Variants in FAM120A observed in about 807,000 individuals in gnomAD.
FAM120A encodes constitutive coactivator of PPAR-gamma-like protein 1.
A neutral mutation model predicts 109.7 loss-of-function variants in FAM120A; 15 were observed. The observed-to-expected ratio is 0.14, with a 90% CI of 0.09 to 0.21. The LOEUF is 0.21. FAM120A is among the 10% of genes least tolerant of loss of function. The probability of loss-of-function intolerance (pLI) is 1.00; values close to 1 mark genes in which losing one functional copy is unlikely to be tolerated. For missense variants in FAM120A, 899 were observed against 1,439.3 expected (o/e 0.62, Z 6.07); for synonymous variants, 493 against 572.8 (o/e 0.86, Z 1.99).
intron 7 of FAM120A, among the ~76,000 whole-genome samples, chr9:93,518,862 A>G (rs765741822): frequency 3.2e-4 from 48 of 152,256 alleles, no homozygotes; most frequent in Non-Finnish European, 4.7e-4. Flanking sequence ...CACGGGCCGC[A>G]CGCAGCACAG....
At chr9:93,512,106 T>G (rs563977040) in intron 5 of FAM120A, among the ~76,000 whole-genome samples, 1 of 152,292 alleles carries the variant, frequency 6.6e-6, no homozygotes, top group East Asian at 1.9e-4. Context: ...TTTTGTTTTG[T>G]TTTGTTTTTT....
At chr9:93,485,479 C>A (rs10821138) in intron 3 of FAM120A, among the ~76,000 whole-genome samples, 1 of 151,886 alleles carries the variant, frequency 6.6e-6, no homozygotes, top group Admixed American at 6.6e-5. Context: ...CCCCTGTAGT[C>A]CCAACTACTT....
At chr9:93,507,765 T>G (rs1304301365) in intron 5 of FAM120A, among the ~76,000 whole-genome samples, 1 of 152,152 alleles carries the variant, frequency 6.6e-6, no homozygotes, top group Non-Finnish European at 1.5e-5. Flanking sequence ...TTCGGCTGAA[T>G]TTGGAGCTCC....
At chr9:93,456,393 T>C (rs1486930263) in intron 1 of FAM120A, among the ~76,000 whole-genome samples, 1 of 152,238 alleles carries the variant, frequency 6.6e-6, no homozygotes, top group Non-Finnish European at 1.5e-5. Context: ...TAAATAATGC[T>C]CTTACATAAA....
intron 1 of FAM120A, among the ~76,000 whole-genome samples, chr9:93,467,258 C>CACCG (rs56698785): frequency 4.1e-5 from 2 of 49,122 alleles, no homozygotes; most frequent in African/African-American, 1.1e-4. Context: ...CCCCCCCCCC[C>CACCG]TTTTCCCCCA....
At position 93,550,129 on chromosome 9, in the gene FAM120A, T is replaced by G. The variant is rs925897424; in HGVS notation, c.2160-448T>G. Among the ~76,000 whole-genome samples, 5 of 152,242 alleles carry G rather than the reference T, an allele frequency of 3.3e-5. 1 individual carries two copies. The highest frequency in any genetic ancestry group is 3.3e-4 in the Admixed American group (5 of 15,294). ...CGGTTATTTACCTGCTCCATGGACC[T>G]GCAGCTGCAGAGTGGCCAGGCAATG... On this transcript the variant is annotated intron_variant, in intron 11 of 17. Coordinates refer to ENST00000277165, the MANE Select transcript of FAM120A (RefSeq NM_014612.5).
At chr9:93,559,034 C>T (rs750345973) in intron 15 of FAM120A, among the ~76,000 whole-genome samples, 4 of 152,270 alleles carry the variant, frequency 2.6e-5, no homozygotes, top group East Asian at 1.9e-4. Flanking sequence ...CTAATAGTGG[C>T]GTTTCTTTCC....
At chr9:93,459,889 G>A (rs1857714460) in intron 1 of FAM120A, among the ~76,000 whole-genome samples, 1 of 152,120 alleles carries the variant, frequency 6.6e-6, no homozygotes, top group Non-Finnish European at 1.5e-5. Context: ...AGGAAATCTT[G>A]GTATGAGCAA....
At chr9:93,555,286 C>A (rs574823704) in intron 12 of FAM120A, among the ~76,000 whole-genome samples, 14 of 152,152 alleles carry the variant, frequency 9.2e-5, no homozygotes, top group African/African-American at 3.1e-4. Flanking sequence ...GGTGAACAGA[C>A]TTCTCCAGGT....
intron 3 of FAM120A, among the ~76,000 whole-genome samples, chr9:93,494,437 TC>T (rs957607565): frequency 1.3e-5 from 2 of 152,212 alleles, no homozygotes; most frequent in African/African-American, 2.4e-5. Flanking sequence ...TCTATTGCTC[TC>T]CAGCAGATGC....
chr9:93,471,352 A>T lies in FAM120A; in HGVS notation c.686A>T (p.Asn229Ile). 6.2e-7 allele frequency: 1 copy of T among 1,614,194 alleles called. No individual in the cohort carries two copies. The highest frequency in any genetic ancestry group is 8.5e-7 in the Non-Finnish European group (1 of 1,180,026). The change falls in exon 2 of 18, where the codon AAT becomes ATT. Residue 229 changes from asparagine to isoleucine, a missense_variant. By Grantham distance (149) the Asn-to-Ile change is moderately radical. Coordinates refer to ENST00000277165, the MANE Select transcript of FAM120A (RefSeq NM_014612.5). Reference sequence around the variant, plus strand: ...GAAGTTGCCAAGCAACTGGACCTGAATCCAAATCGTTTTCCTATTTTTGCT... The same window carrying T: ...GAAGTTGCCAAGCAACTGGACCTGATTCCAAATCGTTTTCCTATTTTTGCT... The part of the protein sequence containing the change: ...MHEVAKQLDL[N>I]PNRFPIFAAL...
chr9:93,476,309 G>C lies in FAM120A; in HGVS notation c.775G>C (p.Gly259Arg). The change falls in exon 3 of 18, where the codon GGT (glycine) becomes CGT (arginine). Residue 259 changes from glycine (G) to arginine (R), a missense_variant. Gly to Arg is a moderately radical substitution (Grantham distance 125). Coordinates refer to ENST00000277165, the MANE Select transcript of FAM120A (RefSeq NM_014612.5). Reference sequence around the variant, plus strand: ...GGCTTCCTTTCACTGGAGTTTACTTGGTCCAGAACATCCACTAGCCTCACT... The same window carrying C: ...GGCTTCCTTTCACTGGAGTTTACTTCGTCCAGAACATCCACTAGCCTCACT... ...DLASFHWSLL[G>R]PEHPLASLKV... 6.2e-7 allele frequency: 1 copy of C among 1,608,630 alleles called. No individual in the cohort carries two copies. The highest frequency in any genetic ancestry group is 8.5e-7 in the Non-Finnish European group (1 of 1,175,416).
chr9:93,539,304 AGTT>A (rs1289750262), intron 10 of FAM120A, among the ~76,000 whole-genome samples: 2 of 152,098 alleles, frequency 1.3e-5, no homozygotes, highest in East Asian at 3.8e-4. Context: ...GCCGCCCTAG[AGTT>A]GTTTTTGCCA....
chr9:93,451,954 C>T lies in FAM120A; in HGVS notation c.39C>T (p.His13=), dbSNP rs1857246984. ...GCTTCCAGGACTACATCGAGAAGCA[C>T]TGCCCGAGCGCCGTGGTGCCGGTGG... ...VQGFQDYIEK[H]CPSAVVPVEL... is the part of the protein sequence containing the mutation. Residue 13 remains histidine, a synonymous_variant, in exon 1 of 18, where the codon CAC becomes CAT. Coordinates refer to ENST00000277165, the MANE Select transcript of FAM120A (RefSeq NM_014612.5). 1 of 1,533,818 alleles carries T rather than the reference C, an allele frequency of 6.5e-7. No individual in the cohort carries two copies.
chr9:93,510,380 G>A (rs536331903), intron 5 of FAM120A, among the ~76,000 whole-genome samples: 75 of 152,354 alleles, frequency 4.9e-4, no homozygotes, highest in African/African-American at 1.7e-3. Context: ...AGACTGCAGT[G>A]TGTGTCTTCC....
intron 3 of FAM120A, among the ~76,000 whole-genome samples, chr9:93,483,222 G>A (rs1236629158): frequency 6.6e-6 from 1 of 152,058 alleles, no homozygotes; most frequent in Non-Finnish European, 1.5e-5. Flanking sequence ...GTTAATTGAA[G>A]TTCACTTCAT....
At chr9:93,507,089 G>T (rs1860095333) in intron 5 of FAM120A, among the ~76,000 whole-genome samples, 1 of 152,102 alleles carries the variant, frequency 6.6e-6, no homozygotes, top group Non-Finnish European at 1.5e-5. Flanking sequence ...CATTTGAATT[G>T]CTTGGGCCTC....
At chr9:93,519,468 C>T (rs1462527302) in intron 7 of FAM120A, among the ~76,000 whole-genome samples, 1 of 152,144 alleles carries the variant, frequency 6.6e-6, no homozygotes, top group Non-Finnish European at 1.5e-5. Context: ...TTCTCAAACT[C>T]CTGACCTCAG....
At chr9:93,528,852 C>T (rs1273109674) in intron 8 of FAM120A, among the ~76,000 whole-genome samples, 1 of 150,858 alleles carries the variant, frequency 6.6e-6, no homozygotes, top group Non-Finnish European at 1.5e-5. Context: ...ATGGAGTCAG[C>T]CCTGGATTAG....
Sources: gnomAD v4.1 joint callset for allele counts (sites outside exome capture counted in the v4.1 genomes callset) on GRCh38, gnomAD v4.1.1 for gene constraint, MANE v1.5 for transcripts, NCBI Gene and HGNC (gene_info 2026-07-23, HGNC 2026-07-21) for gene names.